The following ATP8A2 variants were observed in gnomAD, a reference collection of about 807,000 sequenced individuals.
ATP8A2 encodes phospholipid-transporting ATPase IB.
ATP8A2 carries 100 observed loss-of-function variants against 165.6 expected under a neutral mutation model. The observed-to-expected ratio is 0.60, with a 90% CI of 0.51 to 0.71. The LOEUF (loss-of-function observed/expected upper bound fraction) is 0.71, where lower values mean the gene tolerates loss of function less well. Ranked by LOEUF, ATP8A2 falls within the 30% of genes least tolerant of loss-of-function variation. The pLI is 0.00. For synonymous variants in ATP8A2, 543 were observed against 548.8 expected (o/e 0.99, Z 0.15); for missense variants, 1,227 against 1,479.5 (o/e 0.83, Z 2.80).
chr13:25,614,887 A>C (rs959703187), intron 24 of ATP8A2, among the ~76,000 whole-genome samples: 2 of 152,186 alleles, frequency 1.3e-5, no homozygotes, highest in Non-Finnish European at 2.9e-5. Context: ...GGATACCAGC[A>C]CCTGCTTTGT....
At chr13:25,555,989 T>G (rs192705894) in intron 13 of ATP8A2, among the ~76,000 whole-genome samples, 3 of 152,352 alleles carry the variant, frequency 2.0e-5, no homozygotes, top group Non-Finnish European at 2.9e-5. Flanking sequence ...ATGGTGTATA[T>G]GTACCACATT....
At chr13:25,675,931 A>G (rs562566617) in intron 24 of ATP8A2, among the ~76,000 whole-genome samples, 21 of 152,322 alleles carry the variant, frequency 1.4e-4, no homozygotes, top group South Asian at 4.1e-4. Context: ...TATTTTTACA[A>G]TCATATATTA....
chr13:25,845,854 A>G (rs968852708), intron 30 of ATP8A2, among the ~76,000 whole-genome samples: 1 of 152,154 alleles, frequency 6.6e-6, no homozygotes, highest in East Asian at 1.9e-4. Flanking sequence ...AACTTCTTAA[A>G]CTCAATTATT....
chr13:25,634,953 G>GT (rs2041333649), intron 24 of ATP8A2, among the ~76,000 whole-genome samples: 1 of 151,464 alleles, frequency 6.6e-6, no homozygotes, highest in Non-Finnish European at 1.5e-5. Flanking sequence ...TTTTTTGGAT[G>GT]GGGGAGAAGC....
intron 24 of ATP8A2, among the ~76,000 whole-genome samples, chr13:25,686,447 C>T (rs1259336408): frequency 6.6e-6 from 1 of 152,068 alleles, no homozygotes; most frequent in Non-Finnish European, 1.5e-5. Context: ...GACAGTGACA[C>T]TCAGTATCCC....
chr13:25,876,719 G>A (rs1209317388), intron 33 of ATP8A2, among the ~76,000 whole-genome samples: 1 of 152,100 alleles, frequency 6.6e-6, no homozygotes, highest in African/African-American at 2.4e-5. Context: ...ATTTTATTTT[G>A]TGCTCTTTTT....
At chr13:25,881,470 T>G (rs1477843706) in intron 33 of ATP8A2, among the ~76,000 whole-genome samples, 6 of 152,168 alleles carry the variant, frequency 3.9e-5, no homozygotes, top group Admixed American at 3.9e-4. Flanking sequence ...CTCCTTGGCT[T>G]TGGAATTTGT....
intron 32 of ATP8A2, among the ~76,000 whole-genome samples, 200 bp from the exon 33 acceptor site, chr13:25,862,101 C>G (rs1272296703): frequency 3.9e-5 from 6 of 151,932 alleles, no homozygotes; most frequent in Non-Finnish European, 5.9e-5. Flanking sequence ...TACTTTGGGG[C>G]CATTCATTAC....
At chr13:25,592,123 G>T (rs2138312007) in intron 24 of ATP8A2, among the ~76,000 whole-genome samples, 1 of 151,846 alleles carries the variant, frequency 6.6e-6, no homozygotes, top group African/African-American at 2.4e-5. Context: ...AGTGACAATG[G>T]ACATCTTTAC....
intron 33 of ATP8A2, among the ~76,000 whole-genome samples, chr13:25,912,549 C>T (rs1008952255): frequency 1.3e-5 from 2 of 152,132 alleles, no homozygotes; most frequent in African/African-American, 4.8e-5. Flanking sequence ...CAAAAGTTCT[C>T]TCCACAAAAA....
chr13:25,866,195 G>C (rs544099554), intron 33 of ATP8A2, among the ~76,000 whole-genome samples: 52 of 152,268 alleles, frequency 3.4e-4, no homozygotes, highest in African/African-American at 1.2e-3. Context: ...CTTGACCTCT[G>C]TTCAAAAGTC....
intron 2 of ATP8A2, among the ~76,000 whole-genome samples, chr13:25,503,320 TAGAG>T (rs1002747250): frequency 3.0e-4 from 45 of 152,284 alleles, no homozygotes; most frequent in African/African-American, 9.6e-4. Context: ...AGTAGCCTAT[TAGAG>T]AGCCGAATGA....
At chr13:25,649,958 G>T (rs2041771303) in intron 24 of ATP8A2, among the ~76,000 whole-genome samples, 2 of 152,136 alleles carry the variant, frequency 1.3e-5, no homozygotes, top group Admixed American at 1.3e-4. Flanking sequence ...CTGACCCCAG[G>T]TGGTCTAGTT....
At chr13:25,904,557 G>A (rs1405320935) in intron 33 of ATP8A2, among the ~76,000 whole-genome samples, 2 of 152,134 alleles carry the variant, frequency 1.3e-5, no homozygotes, top group East Asian at 1.9e-4. Context: ...TTGCTGCCTC[G>A]TGCCCTCCCT....
chr13:25,713,986 C>G (rs899135899), intron 25 of ATP8A2, among the ~76,000 whole-genome samples: 1 of 152,192 alleles, frequency 6.6e-6, no homozygotes, highest in South Asian at 2.1e-4. Context: ...ATCTTAGGTA[C>G]GTTGAATTCT....
chr13:25,558,519 C>T (rs2039048806), intron 13 of ATP8A2, among the ~76,000 whole-genome samples: 2 of 152,190 alleles, frequency 1.3e-5, no homozygotes. Context: ...CAGTAAAACA[C>T]TGCTTCCCTA....
In ATP8A2 at chr13:25,860,383, A is replaced by G. The variant is rs527380635; in HGVS notation, c.3018+127A>G. On this transcript the variant is annotated intron_variant, in intron 31 of 36. Transcript: ENST00000381655. ...TTCAAATCTTCAAAATGTATTTTATATATCCTTCAAAGTTCAGAATGGTTG... is the reference window on the plus strand; with the variant it reads ...TTCAAATCTTCAAAATGTATTTTATGTATCCTTCAAAGTTCAGAATGGTTG... 150 of 579,272 alleles carry G rather than the reference A, an allele frequency of 2.6e-4. No homozygotes were observed. The African/African-American group carries it at 2.6e-3, about 10-fold the overall frequency. 35.9% of individuals were successfully genotyped at this position (579,272 alleles called of 1,614,324 possible).
intron 24 of ATP8A2, among the ~76,000 whole-genome samples, chr13:25,677,784 A>G (rs2042401829): frequency 6.6e-6 from 1 of 152,120 alleles, no homozygotes; most frequent in African/African-American, 2.4e-5. Flanking sequence ...TTTGTCCTCA[A>G]AAAGAGAACA....
At chr13:25,615,576 T>A (rs767769645) in intron 24 of ATP8A2, among the ~76,000 whole-genome samples, 1 of 152,186 alleles carries the variant, frequency 6.6e-6, no homozygotes, top group Non-Finnish European at 1.5e-5. Context: ...CCAGGAAACT[T>A]CGGGTTCACT....
Sources: allele counts gnomAD v4.1 joint callset (sites outside exome capture counted in the v4.1 genomes callset), GRCh38; gene constraint gnomAD v4.1.1; transcripts MANE v1.5; gene names NCBI Gene and HGNC (gene_info 2026-07-23, HGNC 2026-07-21).